Variants in ZNF91 observed in about 807,000 individuals in gnomAD.
The protein encoded by ZNF91 is zinc finger protein 91 (HPF7, HTF10).
ZNF91 carries 7 observed loss-of-function variants against 12.6 expected under a neutral mutation model. The ratio of observed to expected loss-of-function variants is 0.55; its 90% CI spans 0.31 to 1.04. ZNF91 has a LOEUF of 1.04. Among genes scored for constraint, ZNF91 ranks in the 50% least tolerant of loss-of-function variants. The pLI, the probability that ZNF91 is intolerant of heterozygous loss-of-function variation, is 0.05. For missense variants in ZNF91, 1,217 were observed against 1,385.4 expected (o/e 0.88, Z 1.93); for synonymous variants, 453 against 462.6 (o/e 0.98, Z 0.27).
chr19:23,362,008 C>T lies in ZNF91; in HGVS notation c.971G>A (p.Cys324Tyr), dbSNP rs1968802839. 1 of 1,613,674 alleles carries T rather than the reference C, an allele frequency of 6.2e-7. No homozygotes were observed. Among genetic ancestry groups the T allele is most frequent in the African/African-American group, 1.3e-5 (1 of 74,880 alleles). The change falls in exon 4 of 4, where the codon TGT becomes TAT. Residue 324 changes from cysteine to tyrosine, a missense_variant. Around this residue, in one of 2 missense-constraint regions of ZNF91, gnomAD observed 726 missense variants for 895.5 expected, o/e 0.81. Transcript: ENST00000300619. Reference sequence around the variant, plus strand: ...GCTAAAAGCTTTGCCACATTCTTCACATTTGTAGGGTTTCTCTCCAGTATG... The same window carrying T: ...GCTAAAAGCTTTGCCACATTCTTCATATTTGTAGGGTTTCTCTCCAGTATG... ...RIHTGEKPYK[C>Y]EECGKAFSRS...
At chr19:23,394,882 A>G (rs76651857) in intron 1 of ZNF91, among the ~76,000 whole-genome samples, 2,241 of 151,802 alleles carry the variant, frequency 0.015, 25 homozygotes, top group Middle Eastern at 0.044. Context: ...TGTTTGAATC[A>G]CTCTTTGATT....
intron 3 of ZNF91, among the ~76,000 whole-genome samples, chr19:23,346,821 A>G (rs2145017648): frequency 6.6e-6 from 1 of 152,220 alleles, no homozygotes; most frequent in Middle Eastern, 3.4e-3. Flanking sequence ...TTCAATCCAT[A>G]ACGTCAAAGA....
At chr19:23,356,168 G>A (rs182933074), downstream of ZNF91, among the ~76,000 whole-genome samples, 1 of 152,228 alleles carries the variant, frequency 6.6e-6, no homozygotes, top group East Asian at 1.9e-4. Context: ...CCACTACTGA[G>A]TATCTACCCA....
At chr19:23,332,496 T>G (rs1352757040) in intron 1 of ZNF91, among the ~76,000 whole-genome samples, 2 of 151,770 alleles carry the variant, frequency 1.3e-5, no homozygotes, top group African/African-American at 4.9e-5. Context: ...TCCAGGGCTG[T>G]GCTTCTGACC....
intron 3 of ZNF91, among the ~76,000 whole-genome samples, chr19:23,369,412 GC>G (rs1845099472): frequency 6.6e-6 from 1 of 151,606 alleles, no homozygotes; most frequent in African/African-American, 2.4e-5. Flanking sequence ...CCCGGCCGCT[GC>G]CCCGTCCGGG....
Position 23,359,299 on chromosome 19 carries a change from T to A in ZNF91, c.*104A>T, listed in dbSNP as rs925108380. ...GTGCAGTGGCGTGATCTCGGCTCAC[T>A]GCAAGCTCCGCCTCCCGGGTTCACG... On this transcript the variant is annotated 3_prime_UTR_variant, in exon 4 of 4. Coordinates refer to ENST00000300619, the MANE Select transcript of ZNF91 (RefSeq NM_003430.4). 9.6e-6 allele frequency: 5 copies of A among 518,824 alleles called. No homozygotes were observed. The highest frequency in any genetic ancestry group is 1.7e-5 in the Non-Finnish European group (5 of 288,792). 32.1% of individuals were successfully genotyped at this position (518,824 alleles called of 1,614,324 possible). A position where few individuals can be genotyped will look rare whatever the true frequency, so the allele number is the denominator to read the frequency against.
chr19:23,342,101 A>C (rs1427521771), intron 3 of ZNF91: 1 of 364,288 alleles, frequency 2.7e-6, no homozygotes, highest in Non-Finnish European at 5.0e-6. Flanking sequence ...ACCACATTTT[A>C]AGGTCTGAAA....
intron 1 of ZNF91, chr19:23,384,816 A>G (rs1969823209): frequency 5.8e-6 from 4 of 693,938 alleles, no homozygotes; most frequent in Non-Finnish European, 2.7e-6. Flanking sequence ...CTGTGTTCAC[A>G]GAAACACCCT....
At chr19:23,322,730 TC>T in intron 1 of ZNF91, among the ~76,000 whole-genome samples, 1 of 98,210 alleles carries the variant, frequency 1.0e-5, no homozygotes, top group Non-Finnish European at 2.4e-5. Flanking sequence ...TCTCCTCATC[TC>T]TTCTTCCTCC....
chr19:23,348,171 A>G (rs1298379673), intron 3 of ZNF91, among the ~76,000 whole-genome samples: 1 of 151,836 alleles, frequency 6.6e-6, no homozygotes, highest in African/African-American at 2.4e-5. Flanking sequence ...GGCTCTAGTA[A>G]CCCTCCAGTG....
intron 1 of ZNF91, among the ~76,000 whole-genome samples, chr19:23,319,210 G>A (rs1967632938): frequency 6.6e-6 from 1 of 152,170 alleles, no homozygotes; most frequent in South Asian, 2.1e-4. Context: ...ACGTATCGCT[G>A]AGCCCAGCAC....
At chr19:23,395,253 G>A (rs1970194233) in intron 1 of ZNF91, 72 bp downstream of exon 1, 1 of 1,575,584 alleles carries the variant, frequency 6.3e-7, no homozygotes, top group Non-Finnish European at 8.7e-7. Flanking sequence ...CCTGAGGCTC[G>A]CCACAGCCGC....
intron 1 of ZNF91, among the ~76,000 whole-genome samples, chr19:23,320,464 C>T: frequency 6.6e-6 from 1 of 152,062 alleles, no homozygotes; most frequent in East Asian, 1.9e-4. Flanking sequence ...GCTGGGGAGA[C>T]CTCAGGAAAT....
In ZNF91 at chr19:23,359,484, A is replaced by C. The variant is rs2145048004; in HGVS notation, c.3495T>G (p.Leu1165=). The change falls in exon 4 of 4, where the codon CTT becomes CTG. Residue 1165 remains leucine (L), a synonymous_variant. Coordinates refer to ENST00000300619, the MANE Select transcript of ZNF91 (RefSeq NM_003430.4). ...GTGATCCGCCCGCCTCGGCCTCCCAAAGTAGTGGGATTACAGGTGTGATAG... is the reference window on the plus strand; with the variant it reads ...GTGATCCGCCCGCCTCGGCCTCCCACAGTAGTGGGATTACAGGTGTGATAG... The part of the protein sequence containing the change: ...IHTITPVIPL[L]WEAEAGGSRG... 1 of 1,609,214 alleles carries C rather than the reference A, an allele frequency of 6.2e-7. No individual in the cohort carries two copies. The highest frequency in any genetic ancestry group is 1.7e-4 in the Middle Eastern group (1 of 6,040).
intron 1 of ZNF91, among the ~76,000 whole-genome samples, 188 bp downstream of exon 1, chr19:23,395,137 C>T (rs1970189933): frequency 6.6e-6 from 1 of 152,262 alleles, no homozygotes; most frequent in Admixed American, 6.5e-5. Context: ...ACAGGACGCC[C>T]GGAGCCCGCC....
chr19:23,316,673 C>T (rs562202156), intron 1 of ZNF91, among the ~76,000 whole-genome samples: 1 of 152,326 alleles, frequency 6.6e-6, no homozygotes, highest in African/African-American at 2.4e-5. Flanking sequence ...AATAACGACT[C>T]TCATGCCACA....
At chr19:23,322,216 C>A (rs1967711534) in intron 1 of ZNF91, among the ~76,000 whole-genome samples, 1 of 152,196 alleles carries the variant, frequency 6.6e-6, no homozygotes, top group South Asian at 2.1e-4. Context: ...TGTGCCATAT[C>A]TCTGGGGCTC....
intron 1 of ZNF91, among the ~76,000 whole-genome samples, chr19:23,319,535 C>T (rs1217207525): frequency 6.6e-6 from 1 of 152,158 alleles, no homozygotes; most frequent in African/African-American, 2.4e-5. Flanking sequence ...AAATAAGAGG[C>T]TCCTGCCTGG....
chr19:23,384,398 A>C, intron 1 of ZNF91: 1 of 251,588 alleles, frequency 4.0e-6, no homozygotes, highest in Non-Finnish European at 8.1e-6. Context: ...GCGCACAGCT[A>C]GAGCCACTTC....
Sources: allele counts gnomAD v4.1 joint callset (sites outside exome capture counted in the v4.1 genomes callset), GRCh38; gene constraint gnomAD v4.1.1; regional missense constraint gnomAD v4.1.1; transcripts MANE v1.5; gene names NCBI Gene and HGNC (gene_info 2026-07-23, HGNC 2026-07-21).